The following PXN variants were observed in gnomAD, a reference collection of about 807,000 sequenced individuals.
PXN encodes the protein paxillin, also known as testicular tissue protein Li 134.
In PXN, 61 loss-of-function variants were observed where a neutral mutation model predicts 103.6. The observed-to-expected ratio is 0.59, with a 90% confidence interval of 0.48 to 0.73. The LOEUF is 0.73. Ranked by LOEUF, PXN falls within the 30% of genes least tolerant of loss-of-function variation. PXN has a pLI of 0.00. For synonymous variants in PXN, 562 were observed against 607.8 expected (o/e 0.92, Z 1.11); for missense variants, 1,274 against 1,460.3 (o/e 0.87, Z 2.08).
intron 1 of PXN, among the ~76,000 whole-genome samples, chr12:120,264,757 C>A (rs1418727779): frequency 1.3e-5 from 2 of 152,210 alleles, no homozygotes; most frequent in Non-Finnish European, 2.9e-5. Context: ...TACCTTGGGG[C>A]CCACCTTCCA....
intron 1 of PXN, chr12:120,226,430 A>G: frequency 7.8e-7 from 1 of 1,288,792 alleles, no homozygotes; most frequent in South Asian, 1.2e-5. Context: ...CACATCCCAC[A>G]CTGCCAAGGC....
intron 1 of PXN, chr12:120,249,781 G>A: frequency 1.2e-6 from 1 of 865,954 alleles, no homozygotes. Flanking sequence ...GAGAGAAGGG[G>A]GAGGAGTTCT....
intron 1 of PXN, among the ~76,000 whole-genome samples, chr12:120,263,741 A>G (rs1481591557): frequency 6.6e-6 from 1 of 152,084 alleles, no homozygotes; most frequent in Admixed American, 6.6e-5. Context: ...AATCCCTACA[A>G]TCCCCTCTCC....
intron 7 of PXN, among the ~76,000 whole-genome samples, chr12:120,218,357 T>A (rs1292640602): frequency 6.6e-6 from 1 of 151,834 alleles, no homozygotes; most frequent in African/African-American, 2.4e-5. Context: ...GCATAAAGTT[T>A]TTTGTTGTTG....
rs1179086236 is a variant in PXN at position 120,246,153 on chromosome 12, AAAGCAGGAGGATT to A, written c.13+19451_13+19463del. On this transcript the variant is annotated intron_variant, in intron 1 of 14. Transcript: ENST00000637617. The stretch of plus-strand genomic sequence containing the variant: ...TATAATCCCAGCGCATTGGGAGGCC[AAAGCAGGAGGATT>A]GCTTGAGGCCAGGAGTTAGAGACCA... 3.1e-3 allele frequency among the ~76,000 whole-genome samples: 473 copies of A among 152,304 alleles called. 1 individual carries two copies. The highest frequency in any genetic ancestry group is 0.011 in the African/African-American group (456 of 41,564).
In PXN at chr12:120,259,441, T is replaced by C. The variant is rs150690167; in HGVS notation, c.13+6176A>G. Among the ~76,000 whole-genome samples the C allele has an allele frequency of 3.4e-4, 52 of 152,258 alleles. 1 individual carries two copies. Among genetic ancestry groups the C allele is most frequent in the African/African-American group, 1.1e-3 (46 of 41,558 alleles). On this transcript the variant is annotated intron_variant, in intron 1 of 14. Coordinates refer to ENST00000637617, the MANE Select transcript of PXN (RefSeq NM_001385981.1). ...AATAAGTTGCAAGACATCATGACAC[T>C]TCACTCCTAAATACTTTAGCATGCA... is the stretch of plus-strand genomic sequence containing the variant.
At chr12:120,256,625 A>G (rs2136678171) in intron 1 of PXN, among the ~76,000 whole-genome samples, 1 of 152,296 alleles carries the variant, frequency 6.6e-6, no homozygotes, top group South Asian at 2.1e-4. Context: ...GGATCTGTCT[A>G]CTATGTGCTA....
At position 120,216,109 on chromosome 12, in the gene PXN, G is replaced by A. The variant is rs1882894968; in HGVS notation, c.2301+164C>T. The A allele has an allele frequency of 2.3e-6, 3 of 1,290,152 alleles. No homozygotes were observed. Among genetic ancestry groups the A allele is most frequent in the South Asian group, 5.7e-5 (2 of 34,896 alleles). 79.9% of individuals were successfully genotyped at this position (1,290,152 alleles called of 1,614,324 possible). On this transcript the variant is annotated intron_variant, in intron 9 of 14. Coordinates refer to ENST00000637617, the MANE Select transcript of PXN (RefSeq NM_001385981.1). The surrounding 1 kb of genome is among the most constrained non-coding windows in gnomAD (Gnocchi z 5.1). Reference sequence around the variant, plus strand: ...GGACCTTCTGAGTGGGGGAAGACCGGGGTCAAGGTTTACGGCAGGACTGTG... The same window carrying A: ...GGACCTTCTGAGTGGGGGAAGACCGAGGTCAAGGTTTACGGCAGGACTGTG...
At chr12:120,261,177 C>G (rs960415207) in intron 1 of PXN, among the ~76,000 whole-genome samples, 2 of 152,120 alleles carry the variant, frequency 1.3e-5, no homozygotes, top group African/African-American at 4.8e-5. Context: ...AATAAGAGCT[C>G]AATAAATATT....
chr12:120,212,265 A>G lies in PXN; in HGVS notation c.*49T>C. ...GGTGAAGTCTCTAGGTCACAGTCGC[A>G]GTTGGGGATGCTGGCTGGGGAAGGG... On this transcript the variant is annotated 3_prime_UTR_variant, in exon 15 of 15. Transcript: ENST00000637617. This position sits in a 1 kb window ranked among gnomAD's most constrained non-coding sequence, Gnocchi z 7.2. 4 of 1,590,312 alleles carry G rather than the reference A, an allele frequency of 2.5e-6. No homozygotes were observed. Among genetic ancestry groups the G allele is most frequent in the Non-Finnish European group, 3.4e-6 (4 of 1,169,420 alleles).
chr12:120,215,624 C>CTG lies in PXN; in HGVS notation c.2338_2339insCA (p.Cys780SerfsTer57). 1 of 1,612,194 alleles carries CTG rather than the reference C, an allele frequency of 6.2e-7. No homozygotes were observed. Among genetic ancestry groups the CTG allele is most frequent in the Non-Finnish European group, 8.5e-7 (1 of 1,179,356 alleles). ...GTCCCGAGGCCAGCCGGCCGCCCAG[C>CTG]ACCGCTCCCCATCCGCTCTTTGCTC... On this transcript the variant is annotated frameshift_variant, in exon 10 of 15. Transcript: ENST00000637617. LOFTEE classifies it high-confidence loss of function. This position sits in a 1 kb window ranked among gnomAD's most constrained non-coding sequence, Gnocchi z 4.9.
rs1165023735 is a variant in PXN at position 120,265,322 on chromosome 12, T to G, written c.13+295A>C. On this transcript the variant is annotated intron_variant, in intron 1 of 14. Coordinates refer to ENST00000637617, the MANE Select transcript of PXN (RefSeq NM_001385981.1). The surrounding 1 kb of genome is among the most constrained non-coding windows in gnomAD (Gnocchi z 5.7). ...CGGGGTGGGTCCCTGAGGGGCGGGCTGGTCCCTGGGGCCCTTCTGGGAGAT... is the reference window on the plus strand; with the variant it reads ...CGGGGTGGGTCCCTGAGGGGCGGGCGGGTCCCTGGGGCCCTTCTGGGAGAT... Among the ~76,000 whole-genome samples the G allele has an allele frequency of 6.6e-6, 1 of 152,110 alleles. No individual in the cohort carries two copies. Among genetic ancestry groups the G allele is most frequent in the East Asian group, 1.9e-4 (1 of 5,134 alleles).
At chr12:120,242,667 C>T (rs1006805830) in intron 1 of PXN, among the ~76,000 whole-genome samples, 6 of 152,088 alleles carry the variant, frequency 3.9e-5, no homozygotes, top group African/African-American at 1.2e-4. Context: ...GGGCAGATCA[C>T]TTGAGGTCAG....
chr12:120,256,411 AAGAAG>A (rs1309586849), intron 1 of PXN, among the ~76,000 whole-genome samples: 1 of 152,068 alleles, frequency 6.6e-6, no homozygotes, highest in Admixed American at 6.6e-5. Context: ...AGAAAAGAGA[AAGAAG>A]AGAAGAGAAG....
Position 120,215,710 on chromosome 12 carries a change from G to A in PXN, c.2302-49C>T. 1 of 1,544,602 alleles carries A rather than the reference G, an allele frequency of 6.5e-7. No individual in the cohort carries two copies. The highest frequency in any genetic ancestry group is 2.3e-5 in the East Asian group (1 of 43,758). The stretch of plus-strand genomic sequence containing the variant: ...GTAAGAAATCTTTTTTAAAAATTAA[G>A]AAAGAATACAAGACCTTGTCACTGG... On this transcript the variant is annotated intron_variant, in intron 9 of 14. Transcript: ENST00000637617. This position sits in a 1 kb window ranked among gnomAD's most constrained non-coding sequence, Gnocchi z 4.9.
chr12:120,226,436 A>C (rs1886898376), intron 1 of PXN: 1 of 1,288,810 alleles, frequency 7.8e-7, no homozygotes, highest in South Asian at 1.2e-5. Flanking sequence ...CCACACTGCC[A>C]AGGCTGGATG....
chr12:120,234,348 G>T (rs894829358), intron 1 of PXN, among the ~76,000 whole-genome samples: 1 of 152,130 alleles, frequency 6.6e-6, no homozygotes, highest in Admixed American at 6.5e-5. Context: ...GGCAGAAGTT[G>T]CAGTGAACAG....
chr12:120,223,562 G>C (rs992322247), intron 3 of PXN, among the ~76,000 whole-genome samples, 156 bp downstream of exon 3: 1 of 152,178 alleles, frequency 6.6e-6, no homozygotes, highest in African/African-American at 2.4e-5. Flanking sequence ...TGAGGTAGAC[G>C]GGCCCACCGA....
In PXN at chr12:120,215,680, T is replaced by G; in HGVS notation, c.2302-19A>C. 6.3e-7 allele frequency: 1 copy of G among 1,587,458 alleles called. No homozygotes were observed. Among genetic ancestry groups the G allele is most frequent in the Non-Finnish European group, 8.5e-7 (1 of 1,170,006 alleles). On this transcript the variant is annotated intron_variant, in intron 9 of 14. Transcript: ENST00000637617. This position sits in a 1 kb window ranked among gnomAD's most constrained non-coding sequence, Gnocchi z 4.9. ...CCTGGATCTTAGATAGGGGAAGAGA[T>G]GAGGGTAAGAAATCTTTTTTAAAAA...
Sources: gnomAD v4.1 joint callset for allele counts (sites outside exome capture counted in the v4.1 genomes callset) on GRCh38, gnomAD v4.1.1 for gene constraint, Gnocchi (gnomAD v3.1) non-coding constraint, MANE v1.5 for transcripts, NCBI Gene and HGNC (gene_info 2026-07-23, HGNC 2026-07-21) for gene names.